Variants in CDK6 observed in about 807,000 individuals in gnomAD.
CDK6 encodes the protein cyclin-dependent kinase 6.
CDK6 carries 6 observed loss-of-function variants against 37.1 expected under a neutral mutation model. The ratio of observed to expected loss-of-function variants is 0.16; its 90% CI spans 0.09 to 0.32. The LOEUF (loss-of-function observed/expected upper bound fraction) is 0.32. CDK6 is among the 10% of genes least tolerant of loss of function. The pLI is 1.00. For missense variants in CDK6, 224 were observed against 418.9 expected, an observed-to-expected ratio of 0.53 and a Z score of 4.06; for synonymous variants, 160 against 161.3, an observed-to-expected ratio of 0.99 and a Z score of 0.06.
intron 2 of CDK6, among the ~76,000 whole-genome samples, chr7:92,784,071 C>T (rs1800062485): frequency 6.6e-6 from 1 of 151,566 alleles, no homozygotes; most frequent in African/African-American, 2.4e-5. Context: ...TAACTACATG[C>T]TATTATGGGA....
At chr7:92,649,475 G>A (rs1025415293) in intron 5 of CDK6, among the ~76,000 whole-genome samples, 9 of 152,094 alleles carry the variant, frequency 5.9e-5, no homozygotes, top group Non-Finnish European at 7.4e-5. Flanking sequence ...GGGATTAATT[G>A]TTTCTTGTGT....
chr7:92,770,087 A>C (rs1257964479), intron 3 of CDK6, among the ~76,000 whole-genome samples: 2 of 152,200 alleles, frequency 1.3e-5, no homozygotes, highest in Non-Finnish European at 2.9e-5. Context: ...ACAAGTAAAC[A>C]GACCCAAAGA....
At chr7:92,623,660 G>A (rs921297477) in intron 5 of CDK6, among the ~76,000 whole-genome samples, 5 of 152,060 alleles carry the variant, frequency 3.3e-5, no homozygotes, top group Non-Finnish European at 7.4e-5. Flanking sequence ...AGAGGCAATT[G>A]TGTCTGCTTC....
intron 2 of CDK6, among the ~76,000 whole-genome samples, chr7:92,812,568 G>A (rs757249926): frequency 2.6e-5 from 4 of 151,994 alleles, no homozygotes; most frequent in African/African-American, 4.8e-5. Context: ...CCAGAGGTGA[G>A]TGCCACTATA....
At chr7:92,678,215 G>A (rs1797250173) in intron 4 of CDK6, among the ~76,000 whole-genome samples, 1 of 152,140 alleles carries the variant, frequency 6.6e-6, no homozygotes, top group Non-Finnish European at 1.5e-5. Context: ...AAAACAATGA[G>A]TGCAATATAT....
At chr7:92,728,084 A>G (rs1483487155) in intron 3 of CDK6, among the ~76,000 whole-genome samples, 1 of 152,228 alleles carries the variant, frequency 6.6e-6, no homozygotes, top group Non-Finnish European at 1.5e-5. Flanking sequence ...GCCAATTAGC[A>G]GTATACAAAT....
At chr7:92,806,725 CTT>C (rs1201474954) in intron 2 of CDK6, among the ~76,000 whole-genome samples, 2 of 152,268 alleles carry the variant, frequency 1.3e-5, no homozygotes, top group African/African-American at 2.4e-5. Context: ...ACCGACTTCT[CTT>C]GTTAGCATGC....
chr7:92,611,010 T>C lies in CDK6; in HGVS notation c.*4130A>G, dbSNP rs1459469588. 4.4e-6 allele frequency: 1 copy of C among 227,682 alleles called. No homozygotes were observed. Among genetic ancestry groups the C allele is most frequent in the East Asian group, 6.4e-5 (1 of 15,734 alleles). The allele number at this position is 227,682 out of a possible 1,614,324, so 14.1% of individuals were successfully genotyped here. On this transcript the variant is annotated 3_prime_UTR_variant, in exon 8 of 8. Transcript: ENST00000424848. ...TCTCCATAACATTTGTTTTCGACCA[T>C]ATTAATCCCACAGTTACCAGATGAC...
At chr7:92,771,395 G>A (rs971204566) in intron 3 of CDK6, among the ~76,000 whole-genome samples, 46 of 151,346 alleles carry the variant, frequency 3.0e-4, no homozygotes, top group African/African-American at 9.9e-4. Flanking sequence ...AACATGATAC[G>A]TTTTAATCTA....
At chr7:92,822,803 A>G (rs560082210) in intron 2 of CDK6, among the ~76,000 whole-genome samples, 2 of 152,268 alleles carry the variant, frequency 1.3e-5, no homozygotes, top group East Asian at 1.9e-4. Flanking sequence ...TACTCGTTCC[A>G]TAAGCACTGG....
At chr7:92,796,340 T>A (rs540428824) in intron 2 of CDK6, among the ~76,000 whole-genome samples, 1 of 152,074 alleles carries the variant, frequency 6.6e-6, no homozygotes, top group Non-Finnish European at 1.5e-5. Context: ...CTCTATGAGA[T>A]CATAGTTTTT....
intron 4 of CDK6, among the ~76,000 whole-genome samples, chr7:92,688,780 A>G (rs1797529405): frequency 6.6e-6 from 1 of 152,180 alleles, no homozygotes; most frequent in African/African-American, 2.4e-5. Context: ...CTGAAACATC[A>G]TTATACACTA....
chr7:92,664,565 G>A (rs1004085340), intron 5 of CDK6, among the ~76,000 whole-genome samples: 1 of 152,126 alleles, frequency 6.6e-6, no homozygotes, highest in Non-Finnish European at 1.5e-5. Flanking sequence ...AATCAATGAC[G>A]ACAAGCCTAG....
chr7:92,672,160 T>TATATATATAC lies in CDK6; in HGVS notation c.538-626_538-625insGTATATATAT, dbSNP rs1210519115. On this transcript the variant is annotated intron_variant, in intron 4 of 7. Coordinates refer to ENST00000424848, the MANE Select transcript of CDK6 (RefSeq NM_001145306.2). ...ATATATATATATATATATATATATA[T>TATATATATAC]ACACATACACACACACACACACAGA... is the stretch of plus-strand genomic sequence containing the variant. 7.0e-3 allele frequency among the ~76,000 whole-genome samples: 550 copies of TATATATATAC among 79,044 alleles called. 20 individuals are homozygous for TATATATATAC. The highest frequency in any genetic ancestry group is 0.037 in the East Asian group (95 of 2,570). The allele number at this position is 79,044 out of a possible 152,430, so 51.9% of individuals were successfully genotyped here.
intron 3 of CDK6, among the ~76,000 whole-genome samples, chr7:92,759,096 TA>T (rs1378871197): frequency 2.0e-5 from 3 of 152,164 alleles, no homozygotes; most frequent in Non-Finnish European, 4.4e-5. Context: ...AATTGTATTT[TA>T]AAAGGCAATC....
chr7:92,769,726 T>C (rs192654601), intron 3 of CDK6, among the ~76,000 whole-genome samples: 203 of 152,334 alleles, frequency 1.3e-3, no homozygotes, highest in African/African-American at 4.3e-3. Context: ...CATCTGTATC[T>C]TGCAGTGTAC....
intron 2 of CDK6, among the ~76,000 whole-genome samples, chr7:92,792,640 T>C (rs1800313042): frequency 6.6e-6 from 1 of 152,032 alleles, no homozygotes; most frequent in African/African-American, 2.4e-5. Context: ...GAAAGAGAAG[T>C]TTGAAATGAG....
chr7:92,764,020 T>C (rs1180501320), intron 3 of CDK6, among the ~76,000 whole-genome samples: 3 of 152,142 alleles, frequency 2.0e-5, no homozygotes, highest in Middle Eastern at 6.8e-3. Context: ...CTTTATTAGA[T>C]AGTTACTCAT....
rs8179 is a variant in CDK6 at position 92,606,850 on chromosome 7, T to C, written c.*8290A>G. 193,829 of 232,752 alleles carry C rather than the reference T, an allele frequency of 0.83. 81,175 individuals carry two copies. Among genetic ancestry groups the C allele is most frequent in the East Asian group, 0.98 (16,136 of 16,482 alleles). The allele number at this position is 232,752 out of a possible 1,614,324, so 14.4% of individuals were successfully genotyped here. A position where few individuals can be genotyped will look rare whatever the true frequency, so the allele number is the denominator to read the frequency against. On this transcript the variant is annotated 3_prime_UTR_variant, in exon 8 of 8. Transcript: ENST00000424848. ...TTCTAGTTCTAATTTGCACTCTACGTGAACCAATATTTTTCTTTTCTTAAC... is the reference window on the plus strand; with the variant it reads ...TTCTAGTTCTAATTTGCACTCTACGCGAACCAATATTTTTCTTTTCTTAAC...
Sources: gnomAD v4.1 joint callset for allele counts (sites outside exome capture counted in the v4.1 genomes callset) on GRCh38, gnomAD v4.1.1 for gene constraint, MANE v1.5 for transcripts, NCBI Gene and HGNC (gene_info 2026-07-23, HGNC 2026-07-21) for gene names.